Variants in YAP1 observed in about 807,000 individuals in gnomAD.
YAP1 encodes transcriptional coactivator YAP1.
YAP1 carries 5 observed loss-of-function variants against 56.9 expected under a neutral mutation model. The observed-to-expected ratio is 0.09, with a 90% CI of 0.05 to 0.18. The LOEUF is 0.18. Among genes scored for constraint, YAP1 ranks in the 10% least tolerant of loss-of-function variants. YAP1 has a pLI of 1.00. For missense variants in YAP1, 539 were observed against 651.8 expected (o/e 0.83, Z 1.88); for synonymous variants, 265 against 248.1 (o/e 1.07, Z -0.64).
intron 2 of YAP1, among the ~76,000 whole-genome samples, chr11:102,135,031 G>A (rs2135254722): frequency 6.6e-6 from 1 of 152,210 alleles, no homozygotes; most frequent in South Asian, 2.1e-4. Context: ...GGTGCATGCT[G>A]GCTAATTTTG....
At chr11:102,136,596 A>C (rs907088384) in intron 2 of YAP1, among the ~76,000 whole-genome samples, 18 of 151,970 alleles carry the variant, frequency 1.2e-4, no homozygotes, top group African/African-American at 4.3e-4. Context: ...AAAGTGATCC[A>C]CCTGCCTCAG....
rs192084359 is a variant in YAP1 at position 102,118,708 on chromosome 11, A to T, written c.572+4314A>T. 9.0e-4 allele frequency among the ~76,000 whole-genome samples: 133 copies of T among 148,326 alleles called. 1 individual carries two copies. Among genetic ancestry groups the T allele is most frequent in the Middle Eastern group, 3.5e-3 (1 of 282 alleles). On this transcript the variant is annotated intron_variant, in intron 2 of 8. Transcript: ENST00000282441. Reference sequence around the variant, plus strand: ...GGAGGCTGCAGTGAGTTGAGATTGCACCACTCCACACCAGCCTGGGCGACA... The same window carrying T: ...GGAGGCTGCAGTGAGTTGAGATTGCTCCACTCCACACCAGCCTGGGCGACA...
chr11:102,114,121 T>G, intron 1 of YAP1, 23 bp from the exon 2 acceptor site: 2 of 1,553,274 alleles, frequency 1.3e-6, no homozygotes, highest in Non-Finnish European at 1.7e-6. Context: ...TTTTTAATTT[T>G]TCATCTTAAT....
chr11:102,159,076 A>AT (rs780344247), intron 2 of YAP1, among the ~76,000 whole-genome samples: 67 of 152,270 alleles, frequency 4.4e-4, no homozygotes, highest in Non-Finnish European at 7.4e-4. Context: ...TAGGGATGAG[A>AT]TTTTTATTTT....
intron 2 of YAP1, among the ~76,000 whole-genome samples, chr11:102,116,433 T>C (rs1943292934): frequency 6.6e-6 from 1 of 152,192 alleles, no homozygotes; most frequent in Non-Finnish European, 1.5e-5. Flanking sequence ...AAGGAATGAC[T>C]ATTCATTTTT....
intron 1 of YAP1, among the ~76,000 whole-genome samples, chr11:102,111,386 T>G (rs1012219442): frequency 7.9e-5 from 12 of 152,174 alleles, no homozygotes; most frequent in Non-Finnish European, 1.5e-4. Context: ...GATTTGTTTT[T>G]CCCTTCTGAG....
rs201354835 is a variant in YAP1 at position 102,111,052 on chromosome 11, C to A, written c.204C>A (p.Leu68=). ...ACTCGGAGACCGACCTGGAGGCGCT[C>A]TTCAACGCCGTCATGAACCCCAAGA... is the stretch of plus-strand genomic sequence containing the variant. ...RGDSETDLEA[L]FNAVMNPKTA... The change falls in exon 1 of 9, where the codon CTC becomes CTA. Residue 68 remains leucine, a synonymous_variant. Transcript: ENST00000282441. 1 of 1,612,990 alleles carries A rather than the reference C, an allele frequency of 6.2e-7. No homozygotes were observed. Among genetic ancestry groups the A allele is most frequent in the South Asian group, 1.1e-5 (1 of 91,076 alleles).
Position 102,128,959 on chromosome 11 carries a change from C to G in YAP1, c.572+14565C>G, listed in dbSNP as rs890852633. Among the ~76,000 whole-genome samples, 4 of 108,046 alleles carry G rather than the reference C, an allele frequency of 3.7e-5. No individual in the cohort carries two copies. The South Asian group carries it at 1.6e-3, about 43-fold the overall frequency. The allele number at this position is 108,046 out of a possible 152,430, so 70.9% of individuals were successfully genotyped here. A position where few individuals can be genotyped will look rare whatever the true frequency, so the allele number is the denominator to read the frequency against. On this transcript the variant is annotated intron_variant, in intron 2 of 8. Transcript: ENST00000282441. The stretch of plus-strand genomic sequence containing the variant: ...CTCTTCCTTTTTTACCTCCCTCCCT[C>G]CCTCTCGCTTCCCTATCCCCAAACC...
chr11:102,123,661 A>G (rs1157012566), intron 2 of YAP1, among the ~76,000 whole-genome samples: 1 of 131,624 alleles, frequency 7.6e-6, no homozygotes, highest in African/African-American at 2.9e-5. Flanking sequence ...TTTTTTCGAG[A>G]CACAGTCTTG....
chr11:102,211,129 A>G (rs919028294), intron 6 of YAP1, among the ~76,000 whole-genome samples: 1 of 152,226 alleles, frequency 6.6e-6, no homozygotes, highest in Non-Finnish European at 1.5e-5. Flanking sequence ...AAATTAACTC[A>G]AAGGAGATTT....
chr11:102,147,661 C>G (rs1484746228), intron 2 of YAP1, among the ~76,000 whole-genome samples: 1 of 152,196 alleles, frequency 6.6e-6, no homozygotes, highest in African/African-American at 2.4e-5. Flanking sequence ...GGCTTCTACA[C>G]AGGCAGAGCC....
intron 2 of YAP1, among the ~76,000 whole-genome samples, 178 bp downstream of exon 2, chr11:102,114,572 T>A (rs1226971258): frequency 6.6e-6 from 1 of 152,226 alleles, no homozygotes; most frequent in Non-Finnish European, 1.5e-5. Flanking sequence ...CCTAAATACC[T>A]TTGTTAGTAT....
At chr11:102,210,535 C>A (rs1241654592) in intron 6 of YAP1, among the ~76,000 whole-genome samples, 1 of 152,230 alleles carries the variant, frequency 6.6e-6, no homozygotes, top group African/African-American at 2.4e-5. Flanking sequence ...CTTTATCTAT[C>A]TCATAAATGC....
chr11:102,136,367 C>G (rs1944674771), intron 2 of YAP1, among the ~76,000 whole-genome samples: 1 of 146,812 alleles, frequency 6.8e-6, no homozygotes, highest in Non-Finnish European at 1.5e-5. Flanking sequence ...TTTTTTAAAA[C>G]AGGGTCTCCG....
Position 102,232,527 on chromosome 11 carries a change from C to G in YAP1, c.*2587C>G, listed in dbSNP as rs958782357. 7 of 152,448 alleles carry G rather than the reference C, an allele frequency of 4.6e-5. No individual in the cohort carries two copies. Among genetic ancestry groups the G allele is most frequent in the Non-Finnish European group, 7.4e-5 (5 of 68,016 alleles). The allele number at this position is 152,448 out of a possible 1,614,324, so 9.4% of individuals were successfully genotyped here. A position where few individuals can be genotyped will look rare whatever the true frequency, so the allele number is the denominator to read the frequency against. The stretch of plus-strand genomic sequence containing the variant: ...TACCTGGCACAGTGCTTTGATCTTA[C>G]GATGCCCTCTGTACTGACCTGAAGG... On this transcript the variant is annotated 3_prime_UTR_variant, in exon 9 of 9. Transcript: ENST00000282441.
chr11:102,190,334 A>G (rs1478824359), intron 4 of YAP1, among the ~76,000 whole-genome samples: 1 of 152,194 alleles, frequency 6.6e-6, no homozygotes, highest in Non-Finnish European at 1.5e-5. Context: ...TGCGAGCTAA[A>G]AATTATTAAC....
In YAP1 at chr11:102,158,802, T is replaced by A. The variant is rs141425587; in HGVS notation, c.573-3654T>A. On this transcript the variant is annotated intron_variant, in intron 2 of 8. Coordinates refer to ENST00000282441, the MANE Select transcript of YAP1 (RefSeq NM_001130145.3). Reference sequence around the variant, plus strand: ...AGGTATAAGAAAGTCATCAGTGTTTTCATTACTATAAAGCCCATTTTGATT... The same window carrying A: ...AGGTATAAGAAAGTCATCAGTGTTTACATTACTATAAAGCCCATTTTGATT... 3.5e-3 allele frequency among the ~76,000 whole-genome samples: 528 copies of A among 152,366 alleles called. 3 individuals carry two copies. Among genetic ancestry groups the A allele is most frequent in the South Asian group, 0.013 (62 of 4,834 alleles).
intron 2 of YAP1, among the ~76,000 whole-genome samples, chr11:102,140,821 C>T (rs1944977133): frequency 6.6e-6 from 1 of 151,336 alleles, no homozygotes; most frequent in African/African-American, 2.4e-5. Context: ...CCAGCGTGGG[C>T]AATAGAGTGA....
At chr11:102,169,589 G>A (rs916898464) in intron 3 of YAP1, among the ~76,000 whole-genome samples, 13 of 152,042 alleles carry the variant, frequency 8.6e-5, no homozygotes, top group Non-Finnish European at 1.8e-4. Context: ...AGTTACTCTC[G>A]GGCTTGTATT....
Sources: gnomAD v4.1 joint callset for allele counts (sites outside exome capture counted in the v4.1 genomes callset) on GRCh38, gnomAD v4.1.1 for gene constraint, MANE v1.5 for transcripts, NCBI Gene and HGNC (gene_info 2026-07-23, HGNC 2026-07-21) for gene names.